Variants in ERC1 observed in about 807,000 individuals in gnomAD.
ERC1 encodes the protein ELKS/RAB6-interacting/CAST family member 1, also known as RAB6 interacting protein 2.
Under a neutral mutation model 132.0 loss-of-function variants are expected in ERC1, and 56 were observed. That is an observed-to-expected ratio of 0.42 (90% CI 0.34 to 0.53). The LOEUF (loss-of-function observed/expected upper bound fraction) is 0.53, where lower values mean the gene tolerates loss of function less well. Ranked by LOEUF, ERC1 falls within the 20% of genes least tolerant of loss-of-function variation. ERC1 has a pLI of 0.03. For missense variants in ERC1, 1,202 were observed against 1,349.9 expected (o/e 0.89, Z 1.72); for synonymous variants, 478 against 476.1 (o/e 1.00, Z -0.05).
intron 13 of ERC1, among the ~76,000 whole-genome samples, chr12:1,250,454 A>G (rs1045202319): frequency 6.6e-6 from 1 of 152,214 alleles, no homozygotes; most frequent in Non-Finnish European, 1.5e-5. Flanking sequence ...TATATCTGCC[A>G]TAAGTGAAGA....
chr12:1,226,585 C>T (rs1210317654), intron 12 of ERC1, among the ~76,000 whole-genome samples: 3 of 152,238 alleles, frequency 2.0e-5, no homozygotes, highest in Non-Finnish European at 4.4e-5. Flanking sequence ...CGATCTCCCC[C>T]TTTCCCAACC....
Position 1,151,178 on chromosome 12 carries a change from G to T in ERC1, c.1737+9391G>T, listed in dbSNP as rs188483320. ...AGAATAATAAAGTAACAGTGATTTT[G>T]AGAGAGCTCAAAAATAAAAAATTTG... On this transcript the variant is annotated intron_variant, in intron 8 of 18. Coordinates refer to ENST00000360905, the MANE Select transcript of ERC1 (RefSeq NM_178040.4). 2.2e-4 allele frequency among the ~76,000 whole-genome samples: 33 copies of T among 152,326 alleles called. No individual in the cohort carries two copies. In the East Asian group the frequency reaches 6.4e-3, roughly 29 times the overall value.
chr12:1,423,099 A>G (rs538024935), intron 17 of ERC1, among the ~76,000 whole-genome samples: 125 of 152,316 alleles, frequency 8.2e-4, no homozygotes, highest in Admixed American at 7.0e-3. Context: ...TTCTAGGCCA[A>G]TCAGAAACCA....
At chr12:1,371,574 G>A (rs1329671586) in intron 15 of ERC1, among the ~76,000 whole-genome samples, 1 of 132,770 alleles carries the variant, frequency 7.5e-6, no homozygotes, top group South Asian at 2.5e-4. Context: ...TCAAAATGGC[G>A]GTACTGATAA....
intron 18 of ERC1, among the ~76,000 whole-genome samples, chr12:1,487,560 A>C (rs1241745037): frequency 6.6e-6 from 1 of 151,454 alleles, no homozygotes; most frequent in Non-Finnish European, 1.5e-5. Flanking sequence ...AAGAAAAGAG[A>C]AATACAAAAA....
intron 12 of ERC1, among the ~76,000 whole-genome samples, chr12:1,230,313 T>C (rs1280281525): frequency 6.6e-6 from 1 of 152,220 alleles, no homozygotes; most frequent in African/African-American, 2.4e-5. Context: ...TTTTTGACTC[T>C]CCTTTTGATT....
intron 8 of ERC1, among the ~76,000 whole-genome samples, chr12:1,157,017 AC>A (rs748442085): frequency 5.3e-5 from 8 of 152,094 alleles, no homozygotes; most frequent in Non-Finnish European, 1.0e-4. Flanking sequence ...GGTTTATGTC[AC>A]CAAATTTAAT....
chr12:1,263,023 T>A lies in ERC1; in HGVS notation c.2488-11T>A. 1 of 1,613,312 alleles carries A rather than the reference T, an allele frequency of 6.2e-7. No individual in the cohort carries two copies. The highest frequency in any genetic ancestry group is 8.5e-7 in the Non-Finnish European group (1 of 1,179,646). On this transcript the variant is annotated splice_polypyrimidine_tract_variant and intron_variant, in intron 13 of 18. Coordinates refer to ENST00000360905, the MANE Select transcript of ERC1 (RefSeq NM_178040.4). ...TTAATCCACTTCACCTAGTCTTCCA[T>A]CATTTTCTAGGACAGTCTCCGTAAG...
At chr12:1,250,789 T>G (rs980931686) in intron 13 of ERC1, among the ~76,000 whole-genome samples, 3 of 152,190 alleles carry the variant, frequency 2.0e-5, no homozygotes, top group Admixed American at 6.5e-5. Context: ...TAGAGTGGAC[T>G]GAAAGGAGGC....
chr12:1,339,167 G>A (rs999402454), intron 15 of ERC1, among the ~76,000 whole-genome samples: 4 of 149,980 alleles, frequency 2.7e-5, no homozygotes, highest in Non-Finnish European at 5.9e-5. Flanking sequence ...GTGACAGGGT[G>A]CTAGCAGGTA....
chr12:1,204,360 C>CT lies in ERC1; in HGVS notation c.2351+14309dup. 7.6e-6 allele frequency: 4 copies of CT among 524,514 alleles called. No individual in the cohort carries two copies. The South Asian group carries it at 1.2e-4, about 16-fold the overall frequency. 32.5% of individuals were successfully genotyped at this position (524,514 alleles called of 1,614,324 possible). A position where few individuals can be genotyped will look rare whatever the true frequency, so the allele number is the denominator to read the frequency against. The stretch of plus-strand genomic sequence containing the variant: ...ATCTGAAATAATTCTTTTTTAGTGA[C>CT]TGTATAGAATTTGTGACTCCTTCCC... On this transcript the variant is annotated intron_variant, in intron 12 of 18. Coordinates refer to ENST00000360905, the MANE Select transcript of ERC1 (RefSeq NM_178040.4).
intron 2 of ERC1, among the ~76,000 whole-genome samples, chr12:1,050,779 G>A (rs1456286824): frequency 6.6e-6 from 1 of 152,184 alleles, no homozygotes; most frequent in African/African-American, 2.4e-5. Context: ...GCCGAGGCGG[G>A]TTGATCACGA....
chr12:1,174,519 T>A (rs1953469582), intron 8 of ERC1, among the ~76,000 whole-genome samples: 1 of 152,228 alleles, frequency 6.6e-6, no homozygotes, highest in South Asian at 2.1e-4. Context: ...AGCAGAAGTG[T>A]TTACTAGCAA....
At chr12:1,186,449 G>T (rs114875077) in intron 11 of ERC1, among the ~76,000 whole-genome samples, 1 of 152,194 alleles carries the variant, frequency 6.6e-6, no homozygotes, top group Non-Finnish European at 1.5e-5. Context: ...GTAGAACAAG[G>T]CCTGTGGATG....
intron 11 of ERC1, among the ~76,000 whole-genome samples, chr12:1,185,452 C>T (rs1011978009): frequency 2.0e-5 from 3 of 149,338 alleles, no homozygotes; most frequent in Non-Finnish European, 4.4e-5. Flanking sequence ...TTTTTTAAAC[C>T]GTTAATTTTG....
intron 2 of ERC1, among the ~76,000 whole-genome samples, chr12:1,057,151 T>G (rs991265057): frequency 3.3e-5 from 5 of 151,838 alleles, no homozygotes; most frequent in African/African-American, 4.8e-5. Context: ...GTTTGTTTTG[T>G]TTTTTTTGAG....
intron 8 of ERC1, among the ~76,000 whole-genome samples, chr12:1,158,836 A>T (rs1300565227): frequency 5.3e-5 from 8 of 152,100 alleles, no homozygotes. Context: ...GTGCTATCCC[A>T]ATTCCTTGTT....
intron 17 of ERC1, among the ~76,000 whole-genome samples, chr12:1,418,082 C>T (rs1301350483): frequency 6.6e-6 from 1 of 152,124 alleles, no homozygotes; most frequent in Non-Finnish European, 1.5e-5. Context: ...GATTTGAAGC[C>T]AGATATGTCT....
rs148789277 is a variant in ERC1, at chr12:1,447,431, G to T, written c.3213+2681G>T. Among the ~76,000 whole-genome samples the T allele has an allele frequency of 6.5e-4, 99 of 151,640 alleles. No individual in the cohort carries two copies. In the East Asian group the frequency reaches 0.019, roughly 29 times the overall value. On this transcript the variant is annotated intron_variant, in intron 18 of 18. Coordinates refer to ENST00000360905, the MANE Select transcript of ERC1 (RefSeq NM_178040.4). ...CTCAGGTAGTTAAGGTGGGAGGATG[G>T]CTTGATCCCGGGCAGTCGTGGCTAC...
Sources: allele counts gnomAD v4.1 joint callset (sites outside exome capture counted in the v4.1 genomes callset), GRCh38; gene constraint gnomAD v4.1.1; transcripts MANE v1.5; gene names NCBI Gene and HGNC (gene_info 2026-07-23, HGNC 2026-07-21).